TNS3: variants seen among roughly 807,000 people sequenced by gnomAD.
The protein encoded by TNS3 is tensin-3.
TNS3 carries 45 observed loss-of-function variants against 140.9 expected under a neutral mutation model. The ratio of observed to expected loss-of-function variants is 0.32; its 90% confidence interval spans 0.25 to 0.41. The LOEUF (loss-of-function observed/expected upper bound fraction) is 0.41. TNS3 is among the 10% of genes least tolerant of loss of function. The pLI, the probability that TNS3 is intolerant of heterozygous loss-of-function variation, is 1.00. For synonymous variants in TNS3, 815 were observed against 788.4 expected (o/e 1.03, Z -0.56); for missense variants, 1,716 against 1,906.7 (o/e 0.90, Z 1.86).
intron 16 of TNS3, among the ~76,000 whole-genome samples, chr7:47,383,758 A>G (rs902408462): frequency 3.9e-5 from 6 of 152,086 alleles, no homozygotes; most frequent in African/African-American, 1.4e-4. Flanking sequence ...CACAACATTC[A>G]AGGAGAGAGA....
chr7:47,332,827 G>C (rs1275534288), intron 20 of TNS3, among the ~76,000 whole-genome samples: 1 of 151,512 alleles, frequency 6.6e-6, no homozygotes, highest in African/African-American at 2.4e-5. Context: ...AGACGGGCAG[G>C]ACCAGAGCCA....
At chr7:47,505,115 G>A (rs966516916) in intron 3 of TNS3, among the ~76,000 whole-genome samples, 1 of 152,158 alleles carries the variant, frequency 6.6e-6, no homozygotes, top group Non-Finnish European at 1.5e-5. Flanking sequence ...AGGACAAGCA[G>A]CCCACCCCCT....
chr7:47,414,295 T>C (rs79281627), intron 11 of TNS3, among the ~76,000 whole-genome samples: 10,090 of 152,222 alleles, frequency 0.066, 752 homozygotes, highest in African/African-American at 0.18. Context: ...CTGGCCATAA[T>C]GACCAGGGGG....
intron 1 of TNS3, among the ~76,000 whole-genome samples, chr7:47,540,108 T>G (rs1269433872): frequency 3.9e-5 from 6 of 152,210 alleles, no homozygotes; most frequent in African/African-American, 7.2e-5. Context: ...TCTGTGCTTT[T>G]TACTCGCCAG....
chr7:47,474,229 C>T (rs200082251), intron 4 of TNS3, among the ~76,000 whole-genome samples: 14 of 146,520 alleles, frequency 9.6e-5, no homozygotes, highest in African/African-American at 2.8e-4. Context: ...ACAACACACA[C>T]AAAACACCTC....
intron 1 of TNS3, among the ~76,000 whole-genome samples, chr7:47,535,095 A>G (rs1441599101): frequency 6.6e-6 from 1 of 152,120 alleles, no homozygotes; most frequent in Non-Finnish European, 1.5e-5. Flanking sequence ...CTATATTGCA[A>G]TTTCCTAGAT....
chr7:47,370,796 A>C (rs1791023391), intron 16 of TNS3, among the ~76,000 whole-genome samples: 1 of 152,194 alleles, frequency 6.6e-6, no homozygotes, highest in South Asian at 2.1e-4. Context: ...CTGGAATTTG[A>C]GAGACGTGAG....
At chr7:47,525,244 A>C (rs917340490) in intron 2 of TNS3, among the ~76,000 whole-genome samples, 2 of 152,182 alleles carry the variant, frequency 1.3e-5, no homozygotes, top group African/African-American at 4.8e-5. Flanking sequence ...CCTCCCACCG[A>C]AGCAGAACTC....
intron 23 of TNS3, 39 bp downstream of exon 23, chr7:47,302,147 G>C (rs368847068): frequency 2.5e-4 from 391 of 1,557,386 alleles, no homozygotes; most frequent in Non-Finnish European, 3.1e-4. Context: ...GCGGGCACTA[G>C]GGCAGATGCC....
chr7:47,499,482 T>C (rs1454894915), intron 3 of TNS3, among the ~76,000 whole-genome samples: 2 of 152,042 alleles, frequency 1.3e-5, no homozygotes, highest in Non-Finnish European at 2.9e-5. Context: ...CCACCTTGAG[T>C]AGGTGAATGG....
intron 20 of TNS3, among the ~76,000 whole-genome samples, chr7:47,325,868 AG>A (rs1471084789): frequency 6.6e-6 from 1 of 152,142 alleles, no homozygotes; most frequent in Non-Finnish European, 1.5e-5. Context: ...TTTTAAAGAC[AG>A]GGAAGTGGAA....
intron 2 of TNS3, among the ~76,000 whole-genome samples, chr7:47,510,026 TG>T (rs1425431906): frequency 3.3e-5 from 5 of 152,202 alleles, no homozygotes; most frequent in Non-Finnish European, 5.9e-5. Flanking sequence ...GCATGCGTAT[TG>T]CCAAATTTCC....
At chr7:47,319,974 G>A (rs1371064851) in intron 20 of TNS3, among the ~76,000 whole-genome samples, 3 of 152,324 alleles carry the variant, frequency 2.0e-5, no homozygotes, top group African/African-American at 7.2e-5. Flanking sequence ...GGAATCCTGT[G>A]TTAGGTAAGA....
intron 20 of TNS3, among the ~76,000 whole-genome samples, chr7:47,328,413 A>G (rs1237026263): frequency 6.6e-6 from 1 of 152,118 alleles, no homozygotes; most frequent in East Asian, 1.9e-4. Flanking sequence ...CTGAAACCCA[A>G]CCAGGCTTAG....
chr7:47,345,603 T>C (rs17522996), intron 18 of TNS3, among the ~76,000 whole-genome samples: 72,718 of 152,060 alleles, frequency 0.48, 18,783 homozygotes, highest in Non-Finnish European at 0.59. Context: ...ATTAATCGTT[T>C]TGGATACACC....
At chr7:47,571,827 G>C (rs1371211288) in intron 1 of TNS3, among the ~76,000 whole-genome samples, 1 of 152,220 alleles carries the variant, frequency 6.6e-6, no homozygotes, top group African/African-American at 2.4e-5. Flanking sequence ...TGCGTGTCTA[G>C]CCCTGTCAGC....
At chr7:47,297,782 G>T (rs1016498707) in intron 23 of TNS3, among the ~76,000 whole-genome samples, 2 of 148,890 alleles carry the variant, frequency 1.3e-5, no homozygotes, top group East Asian at 2.0e-4. Flanking sequence ...TAAAAGGAAA[G>T]AAGTTTTTTT....
At chr7:47,442,464 A>G (rs1376354633) in intron 4 of TNS3, among the ~76,000 whole-genome samples, 1 of 152,230 alleles carries the variant, frequency 6.6e-6, no homozygotes, top group African/African-American at 2.4e-5. Context: ...TCTCAGTCAT[A>G]CCTACTCTTT....
At chr7:47,443,014 T>G (rs1279025812) in intron 4 of TNS3, among the ~76,000 whole-genome samples, 2 of 152,208 alleles carry the variant, frequency 1.3e-5, no homozygotes, top group Non-Finnish European at 2.9e-5. Flanking sequence ...ATCATACCAA[T>G]GCAAAGCCTA....
Sources: gnomAD v4.1 joint callset for allele counts (sites outside exome capture counted in the v4.1 genomes callset) on GRCh38, gnomAD v4.1.1 for gene constraint, MANE v1.5 for transcripts, NCBI Gene and HGNC (gene_info 2026-07-23, HGNC 2026-07-21) for gene names.